The following DYNC1LI2 variants were observed in gnomAD, a reference collection of about 807,000 sequenced individuals.
DYNC1LI2 encodes the protein cytoplasmic dynein 1 light intermediate chain 2.
A neutral mutation model predicts 57.8 loss-of-function variants in DYNC1LI2; 19 were observed. The ratio of observed to expected loss-of-function variants is 0.33; its 90% confidence interval spans 0.23 to 0.48. The LOEUF (loss-of-function observed/expected upper bound fraction) is 0.48. Among genes scored for constraint, DYNC1LI2 ranks in the 20% least tolerant of loss-of-function variants. The pLI is 0.99. For synonymous variants in DYNC1LI2, 256 were observed against 233.4 expected, an observed-to-expected ratio of 1.10 and a Z score of -0.88; for missense variants, 470 against 604.2, an observed-to-expected ratio of 0.78 and a Z score of 2.33.
At chr16:66,736,342 A>G in intron 4 of DYNC1LI2, 98 bp from the exon 5 acceptor site, 2 of 1,399,658 alleles carry the variant, frequency 1.4e-6, no homozygotes, top group Non-Finnish European at 1.9e-6. Context: ...CACAAAACAC[A>G]GGCAGTTGTG....
chr16:66,750,042 C>T (rs1350675582), intron 2 of DYNC1LI2, among the ~76,000 whole-genome samples: 1 of 152,212 alleles, frequency 6.6e-6, no homozygotes, highest in East Asian at 1.9e-4. Context: ...AGTCAGTCCA[C>T]AGATCAAAGA....
chr16:66,732,138 G>C, intron 7 of DYNC1LI2: 1 of 605,108 alleles, frequency 1.7e-6, no homozygotes, highest in Non-Finnish European at 2.6e-6. Flanking sequence ...TCTCGAGGAA[G>C]AAAGGCAGCA....
chr16:66,741,088 A>C (rs1204199053), intron 4 of DYNC1LI2, among the ~76,000 whole-genome samples: 2 of 140,242 alleles, frequency 1.4e-5, no homozygotes, highest in African/African-American at 6.5e-5. Flanking sequence ...AGTATAGGGC[A>C]GACACTTTCC....
intron 7 of DYNC1LI2, chr16:66,731,840 G>A (rs2017642420): frequency 6.5e-6 from 1 of 152,718 alleles, no homozygotes; most frequent in Non-Finnish European, 1.5e-5. Flanking sequence ...CACCAGCTTA[G>A]GAAAACAGGT....
At chr16:66,736,810 C>T (rs2017743271) in intron 4 of DYNC1LI2, among the ~76,000 whole-genome samples, 1 of 152,178 alleles carries the variant, frequency 6.6e-6, no homozygotes, top group Non-Finnish European at 1.5e-5. Context: ...GGCCCTTAAA[C>T]AGGTTTTTAA....
At position 66,751,554 on chromosome 16, in the gene DYNC1LI2, C is replaced by A; in HGVS notation, c.38G>T (p.Gly13Val). The change falls in exon 1 of 13, where the codon GGT (glycine) becomes GTT (valine). Residue 13 changes from glycine (G) to valine (V), a missense_variant. Physicochemically the swap from Gly to Val is moderately radical, Grantham distance 109 (BLOSUM62 -3). Transcript: ENST00000258198. The surrounding 1 kb of genome is among the most constrained non-coding windows in gnomAD (Gnocchi z 5.2). ...PVGVEKKLLL[G>V]PNGPAVAAAG... Reference sequence around the variant, plus strand: ...GGCCGCCACCGCGGGCCCGTTGGGACCTAGCAGCAGCTTCTTCTCCACCCC... The same window carrying A: ...GGCCGCCACCGCGGGCCCGTTGGGAACTAGCAGCAGCTTCTTCTCCACCCC... 2.5e-6 allele frequency: 4 copies of A among 1,586,036 alleles called. No individual in the cohort carries two copies. Among genetic ancestry groups the A allele is most frequent in the Non-Finnish European group, 3.4e-6 (4 of 1,168,594 alleles).
At chr16:66,726,025 T>C in intron 11 of DYNC1LI2, 81 bp from the exon 12 acceptor site, 3 of 1,454,106 alleles carry the variant, frequency 2.1e-6, no homozygotes, top group Non-Finnish European at 2.8e-6. Context: ...CAGCTTGGCA[T>C]TAGCCACTTG....
intron 7 of DYNC1LI2, 160 bp from the exon 8 acceptor site, chr16:66,730,383 T>C (rs2144975339): frequency 1.7e-6 from 1 of 603,650 alleles, no homozygotes. Context: ...CAAAATACAC[T>C]GTGGGTATAA....
chr16:66,740,169 C>CA (rs1410398862), intron 4 of DYNC1LI2, among the ~76,000 whole-genome samples: 1 of 152,178 alleles, frequency 6.6e-6, no homozygotes, highest in African/African-American at 2.4e-5. Context: ...CCCTTTCACT[C>CA]AGATGATCCC....
chr16:66,751,571 C>A lies in DYNC1LI2; in HGVS notation c.21G>T (p.Glu7Asp). The stretch of plus-strand genomic sequence containing the variant: ...CGTTGGGACCTAGCAGCAGCTTCTT[C>A]TCCACCCCCACCGGCGCCATCTTGC... The part of the protein sequence containing the change: MAPVGV[E>D]KKLLLGPNGP... The change falls in exon 1 of 13, where the codon GAG becomes GAT. Residue 7 changes from glutamate to aspartate, a missense_variant. Glu to Asp is a conservative substitution (Grantham distance 45, BLOSUM62 2). Coordinates refer to ENST00000258198, the MANE Select transcript of DYNC1LI2 (RefSeq NM_006141.3). This position sits in a 1 kb window ranked among gnomAD's most constrained non-coding sequence, Gnocchi z 5.2. 2 of 1,580,364 alleles carry A rather than the reference C, an allele frequency of 1.3e-6. No homozygotes were observed. Among genetic ancestry groups the A allele is most frequent in the Non-Finnish European group, 1.7e-6 (2 of 1,166,108 alleles).
chr16:66,730,159 G>C lies in DYNC1LI2; in HGVS notation c.994C>G (p.Pro332Ala). Residue 332 changes from proline (P) to alanine (A), a missense_variant, in exon 8 of 13, where the codon CCG becomes GCG. Coordinates refer to ENST00000258198, the MANE Select transcript of DYNC1LI2 (RefSeq NM_006141.3). ...ILHENFTTVK[P>A]EDAYEDFIVK... ...ATAAAGTCTTCATATGCATCTTCCG[G>C]CTTCACGGTTGTAAAATTTTCATGT... 6.2e-7 allele frequency: 1 copy of C among 1,613,976 alleles called. No homozygotes were observed. Among genetic ancestry groups the C allele is most frequent in the Non-Finnish European group, 8.5e-7 (1 of 1,180,002 alleles).
rs747762223 is a variant in DYNC1LI2 at position 66,751,448 on chromosome 16, GC to G, written c.107+36del. ...TCCGACGGTCCGGCCCAGAGGCCGC[GC>G]CCCCCACGGCCCGGCCCGACCGCCC... On this transcript the variant is annotated intron_variant, in intron 1 of 12. Coordinates refer to ENST00000258198, the MANE Select transcript of DYNC1LI2 (RefSeq NM_006141.3). The surrounding 1 kb of genome is among the most constrained non-coding windows in gnomAD (Gnocchi z 5.2). The G allele has an allele frequency of 3.2e-6, 5 of 1,577,332 alleles. No individual in the cohort carries two copies. The highest frequency in any genetic ancestry group is 4.3e-6 in the Non-Finnish European group (5 of 1,166,052).
chr16:66,732,672 TAAA>T (rs2017659462), intron 6 of DYNC1LI2, 198 bp from the exon 7 acceptor site: 1 of 434,956 alleles, frequency 2.3e-6, no homozygotes, highest in East Asian at 3.6e-5. Context: ...AATAAATAAA[TAAA>T]AAAGTAAAAA....
chr16:66,749,159 C>A, intron 3 of DYNC1LI2, 38 bp downstream of exon 3: 1 of 1,603,322 alleles, frequency 6.2e-7, no homozygotes, highest in East Asian at 2.2e-5. Context: ...CAGAGTCCTG[C>A]ATACACCCCC....
rs2017446785 is a variant in DYNC1LI2 at position 66,721,245 on chromosome 16, C to T, written c.*2477G>A. On this transcript the variant is annotated 3_prime_UTR_variant, in exon 13 of 13. Transcript: ENST00000258198. ...AAAAAAGTGCAAACAAAATAACAAT[C>T]TAGCAGCATTATCTGTTGCATTTTT... is the stretch of plus-strand genomic sequence containing the variant. 6.6e-6 allele frequency: 1 copy of T among 152,482 alleles called. No homozygotes were observed. 9.4% of individuals were successfully genotyped at this position (152,482 alleles called of 1,614,324 possible). A position where few individuals can be genotyped will look rare whatever the true frequency, so the allele number is the denominator to read the frequency against.
chr16:66,734,370 A>G (rs1171986273), intron 5 of DYNC1LI2, 59 bp from the exon 6 acceptor site: 14 of 1,502,612 alleles, frequency 9.3e-6, no homozygotes, highest in Non-Finnish European at 1.3e-5. Flanking sequence ...CGATGGGAAC[A>G]CCTCATTCTT....
chr16:66,743,718 T>C (rs1478314584), intron 3 of DYNC1LI2, among the ~76,000 whole-genome samples: 4 of 152,190 alleles, frequency 2.6e-5, no homozygotes, highest in African/African-American at 9.7e-5. Context: ...GAAGAGCCTA[T>C]GTTTAAACAA....
chr16:66,751,322 G>A lies in DYNC1LI2; in HGVS notation c.132C>T (p.Ser44=), dbSNP rs770145036. 2 of 1,612,198 alleles carry A rather than the reference G, an allele frequency of 1.2e-6. No individual in the cohort carries two copies. Among genetic ancestry groups the A allele is most frequent in the African/African-American group, 2.7e-5 (2 of 74,666 alleles). ...ACGGCAGCTTGGACCTGGCGCGGGT[G>A]GACACTTCGCTCAGAATGGAGGACC... ...SLWSSILSEV[S]TRARSKLPSG... Residue 44 remains serine, a synonymous_variant, in exon 2 of 13, where the codon TCC becomes TCT. Coordinates refer to ENST00000258198, the MANE Select transcript of DYNC1LI2 (RefSeq NM_006141.3). The surrounding 1 kb of genome is among the most constrained non-coding windows in gnomAD (Gnocchi z 5.2).
chr16:66,738,091 C>T (rs910767603), intron 4 of DYNC1LI2, among the ~76,000 whole-genome samples: 26 of 152,276 alleles, frequency 1.7e-4, no homozygotes, highest in African/African-American at 2.4e-4. Flanking sequence ...TTTCAAACCA[C>T]GAGTTTTTAT....
Sources: allele counts gnomAD v4.1 joint callset (sites outside exome capture counted in the v4.1 genomes callset), GRCh38; gene constraint gnomAD v4.1.1; non-coding constraint Gnocchi (gnomAD v3.1); transcripts MANE v1.5; gene names NCBI Gene and HGNC (gene_info 2026-07-23, HGNC 2026-07-21).